Variants in SLC15A5 observed in about 807,000 individuals in gnomAD.
SLC15A5 encodes solute carrier family 15 member 5, also known as Peptide/histidine transporter ENSP00000340402.
SLC15A5 carries 58 observed loss-of-function variants against 56.1 expected under a neutral mutation model. The ratio of observed to expected loss-of-function variants is 1.03; its 90% CI spans 0.84 to 1.29. SLC15A5 has a LOEUF of 1.29. Ranked by LOEUF, SLC15A5 falls within the 50% of genes most tolerant of loss-of-function variation. SLC15A5 has a pLI of 0.00. For missense variants in SLC15A5, 681 were observed against 672.1 expected (o/e 1.01, Z -0.15); for synonymous variants, 264 against 250.5 (o/e 1.05, Z -0.51).
chr12:16,203,945 C>T (rs1184570523), intron 7 of SLC15A5, among the ~76,000 whole-genome samples: 1 of 152,042 alleles, frequency 6.6e-6, no homozygotes, highest in Non-Finnish European at 1.5e-5. Flanking sequence ...GAAAATGAAT[C>T]AGTTCAAATA....
Position 16,216,969 on chromosome 12 carries a change from A to G in SLC15A5, c.1407T>C (p.Asn469=), listed in dbSNP as rs1488315882. 21 of 1,536,760 alleles carry G rather than the reference A, an allele frequency of 1.4e-5. No homozygotes were observed. The highest frequency in any genetic ancestry group is 2.7e-5 in the African/African-American group (2 of 73,004). The change falls in exon 7 of 9, where the codon AAT becomes AAC. Residue 469 remains asparagine, a synonymous_variant. Coordinates refer to ENST00000344941, the MANE Select transcript of SLC15A5 (RefSeq NM_001170798.1). ...CAAATCCATTGAACAGTGTCAGAAAATTCATGGAGGTTCCTCTGACATTGC... is the reference window on the plus strand; with the variant it reads ...CAAATCCATTGAACAGTGTCAGAAAGTTCATGGAGGTTCCTCTGACATTGC... The part of the protein sequence containing the change: ...VPSNVRGTSM[N]FLTLFNGFGC...
At chr12:16,257,154 T>G (rs889398382) in intron 3 of SLC15A5, among the ~76,000 whole-genome samples, 4 of 152,228 alleles carry the variant, frequency 2.6e-5, no homozygotes, top group African/African-American at 9.6e-5. Flanking sequence ...AGATTGATAA[T>G]GACATTGTGG....
chr12:16,208,265 A>G lies in SLC15A5; in HGVS notation c.1483+8628T>C, dbSNP rs546623604. ...TCTGGGTTGTCCCTGACCGAGTCCA[A>G]CATTCCTTTCTTCAGGGCATTAGCT... On this transcript the variant is annotated intron_variant, in intron 7 of 8. Transcript: ENST00000344941. Among the ~76,000 whole-genome samples, 3 of 152,302 alleles carry G rather than the reference A, an allele frequency of 2.0e-5. No individual in the cohort carries two copies. The South Asian group carries it at 6.2e-4, about 32-fold the overall frequency.
chr12:16,248,093 A>G (rs1008039295), intron 3 of SLC15A5, among the ~76,000 whole-genome samples: 12 of 152,052 alleles, frequency 7.9e-5, no homozygotes, highest in African/African-American at 2.2e-4. Context: ...TCCCCCTTAA[A>G]CAGCTGGGTG....
chr12:16,227,422 A>G (rs1044296500), intron 5 of SLC15A5, among the ~76,000 whole-genome samples: 2 of 152,222 alleles, frequency 1.3e-5, no homozygotes, highest in South Asian at 2.1e-4. Context: ...GGGATAAAAG[A>G]TGAAAAGAGT....
In SLC15A5 at chr12:16,257,889, C is replaced by G; in HGVS notation, c.585-19G>C. On this transcript the variant is annotated intron_variant, in intron 2 of 8. Coordinates refer to ENST00000344941, the MANE Select transcript of SLC15A5 (RefSeq NM_001170798.1). ...ATAAAACCTGGGGTATACAGACAGA[C>G]AAAAATAAAAATACCATTGAATTGC... 1 of 1,389,232 alleles carries G rather than the reference C, an allele frequency of 7.2e-7. No individual in the cohort carries two copies. Among genetic ancestry groups the G allele is most frequent in the Non-Finnish European group, 9.3e-7 (1 of 1,076,726 alleles). The allele number at this position is 1,389,232 out of a possible 1,614,324, so 86.1% of individuals were successfully genotyped here.
At chr12:16,210,848 T>C (rs1864073162) in intron 7 of SLC15A5, among the ~76,000 whole-genome samples, 2 of 152,256 alleles carry the variant, frequency 1.3e-5, no homozygotes, top group South Asian at 4.1e-4. Context: ...CAAAGTCCTC[T>C]GTGCAGCATC....
Position 16,224,424 on chromosome 12 carries a change from T to G in SLC15A5, c.1341A>C (p.Val447=). 4 of 1,537,206 alleles carry G rather than the reference T, an allele frequency of 2.6e-6. No individual in the cohort carries two copies. Among genetic ancestry groups the G allele is most frequent in the Non-Finnish European group, 3.5e-6 (4 of 1,146,854 alleles). Reference sequence around the variant, plus strand: ...AAGGTGTTTACTCACGGGCTGGGTTTACCAGTGTTTCCGCCACTCCAAGTA... The same window carrying G: ...AAGGTGTTTACTCACGGGCTGGGTTGACCAGTGTTTCCGCCACTCCAAGTA... The part of the protein sequence containing the change: ...YVLLGVAETL[V]NPALSVISYR... Residue 447 remains valine (V), a synonymous_variant, in exon 6 of 9, where the codon GTA becomes GTC. Transcript: ENST00000344941.
chr12:16,212,508 T>G (rs1864093235), intron 7 of SLC15A5, among the ~76,000 whole-genome samples: 1 of 70,946 alleles, frequency 1.4e-5, no homozygotes, highest in Non-Finnish European at 2.7e-5. Flanking sequence ...CAAAGAGACT[T>G]ATCCTATTTC....
At chr12:16,253,688 T>C (rs986383031) in intron 3 of SLC15A5, among the ~76,000 whole-genome samples, 4 of 134,812 alleles carry the variant, frequency 3.0e-5, no homozygotes, top group African/African-American at 1.0e-4. Context: ...CTAGGCAACA[T>C]AGGGAGACCC....
At chr12:16,195,084 G>C (rs7967243) in intron 7 of SLC15A5, among the ~76,000 whole-genome samples, 73,159 of 151,734 alleles carry the variant, frequency 0.48, 18,115 homozygotes, top group South Asian at 0.72. Flanking sequence ...TAAAGGATCT[G>C]TACTTCATTA....
intron 2 of SLC15A5, among the ~76,000 whole-genome samples, chr12:16,272,031 A>C (rs769353105): frequency 2.6e-5 from 4 of 152,140 alleles, no homozygotes; most frequent in African/African-American, 9.7e-5. Flanking sequence ...TGGCCTAGAA[A>C]TTTATAATCT....
At chr12:16,221,255 C>G (rs1864185158) in intron 6 of SLC15A5, among the ~76,000 whole-genome samples, 1 of 152,120 alleles carries the variant, frequency 6.6e-6, no homozygotes, top group South Asian at 2.1e-4. Flanking sequence ...AATGTATATT[C>G]TTACAGTGAG....
chr12:16,199,196 C>T (rs1370839835), intron 7 of SLC15A5, among the ~76,000 whole-genome samples: 13 of 151,258 alleles, frequency 8.6e-5, no homozygotes, highest in Admixed American at 7.9e-4. Context: ...TCACTGTATG[C>T]CTGAGTGCAA....
In SLC15A5 at chr12:16,269,424, GGC is replaced by G. The variant is rs1270816886; in HGVS notation, c.584+3135_584+3136del. On this transcript the variant is annotated intron_variant, in intron 2 of 8. Coordinates refer to ENST00000344941, the MANE Select transcript of SLC15A5 (RefSeq NM_001170798.1). The surrounding 1 kb of genome is among the most constrained non-coding windows in gnomAD (Gnocchi z 4.7). Reference sequence around the variant, plus strand: ...TCAGAATCTTTGGTGGCAGGACCCAGGCATTTGTACTTTTTAAAAAAGAATCC... The same window carrying G: ...TCAGAATCTTTGGTGGCAGGACCCAGATTTGTACTTTTTAAAAAAGAATCC... Among the ~76,000 whole-genome samples the G allele has an allele frequency of 6.6e-6, 1 of 152,070 alleles. No homozygotes were observed. Among genetic ancestry groups the G allele is most frequent in the Non-Finnish European group, 1.5e-5 (1 of 68,026 alleles).
Position 16,247,174 on chromosome 12 carries a change from G to A in SLC15A5, c.755-2374C>T, listed in dbSNP as rs117487470. On this transcript the variant is annotated intron_variant, in intron 3 of 8. Transcript: ENST00000344941. ...TGAACCATGCTTTATGTGAAGCACT[G>A]GCTTCAGTTGAATATGTACTTTGAA... Among the ~76,000 whole-genome samples the A allele has an allele frequency of 2.3e-3, 349 of 152,150 alleles. 2 individuals are homozygous for A. The highest frequency in any genetic ancestry group is 3.7e-3 in the Non-Finnish European group (254 of 67,990).
chr12:16,203,562 A>G (rs975865538), intron 7 of SLC15A5, among the ~76,000 whole-genome samples: 9 of 152,180 alleles, frequency 5.9e-5, no homozygotes, highest in African/African-American at 2.2e-4. Context: ...GAAAACAAGA[A>G]TAAAGTTTTT....
At chr12:16,215,016 A>G (rs1259535535) in intron 7 of SLC15A5, among the ~76,000 whole-genome samples, 1 of 151,986 alleles carries the variant, frequency 6.6e-6, no homozygotes, top group African/African-American at 2.4e-5. Flanking sequence ...CATCCTGGCC[A>G]ATATGATGAA....
intron 5 of SLC15A5, among the ~76,000 whole-genome samples, chr12:16,230,303 TAGAG>T (rs1465457936): frequency 6.6e-6 from 1 of 152,084 alleles, no homozygotes; most frequent in Non-Finnish European, 1.5e-5. Context: ...ATTGAGAGGA[TAGAG>T]AGGTAAGTTT....
Sources: gnomAD v4.1 joint callset for allele counts (sites outside exome capture counted in the v4.1 genomes callset) on GRCh38, gnomAD v4.1.1 for gene constraint, Gnocchi (gnomAD v3.1) non-coding constraint, MANE v1.5 for transcripts, NCBI Gene and HGNC (gene_info 2026-07-23, HGNC 2026-07-21) for gene names.